The following ZNF804B variants were observed in gnomAD, a reference collection of about 807,000 sequenced individuals.
ZNF804B encodes zinc finger protein 804B.
Under a neutral mutation model 101.4 loss-of-function variants are expected in ZNF804B, and 80 were observed. The observed-to-expected ratio is 0.79, with a 90% CI of 0.66 to 0.95. The LOEUF is 0.95. Among genes scored for constraint, ZNF804B ranks in the 40% least tolerant of loss-of-function variants. The probability of loss-of-function intolerance (pLI) is 0.00; values close to 1 mark genes in which losing one functional copy is unlikely to be tolerated. For synonymous variants in ZNF804B, 622 were observed against 558.8 expected (o/e 1.11, Z -1.59); for missense variants, 1,673 against 1,561.9 (o/e 1.07, Z -1.20).
At chr7:89,301,069 G>C (rs1002415011) in intron 2 of ZNF804B, among the ~76,000 whole-genome samples, 1 of 140,382 alleles carries the variant, frequency 7.1e-6, no homozygotes, top group Non-Finnish European at 1.5e-5. Context: ...TTTATGTAGA[G>C]AATTTCAGAG....
In ZNF804B at chr7:89,212,778, G is replaced by A. The variant is rs139901471; in HGVS notation, c.109-5377G>A. Among the ~76,000 whole-genome samples, 49 of 152,048 alleles carry A rather than the reference G, an allele frequency of 3.2e-4. No individual in the cohort carries two copies. In the East Asian group the frequency reaches 8.9e-3, roughly 28 times the overall value. On this transcript the variant is annotated intron_variant, in intron 1 of 3. Transcript: ENST00000333190. Reference sequence around the variant, plus strand: ...ATAGGTGTAAATTTATCTAGAAAAGGGTAGGTAACTTTTCAAACCTTCTCC... The same window carrying A: ...ATAGGTGTAAATTTATCTAGAAAAGAGTAGGTAACTTTTCAAACCTTCTCC...
chr7:89,271,112 G>T (rs1422638810), intron 2 of ZNF804B, among the ~76,000 whole-genome samples: 1 of 152,168 alleles, frequency 6.6e-6, no homozygotes, highest in African/African-American at 2.4e-5. Flanking sequence ...TGTTGAACAG[G>T]TGTGGTGAGA....
intron 2 of ZNF804B, among the ~76,000 whole-genome samples, chr7:89,260,347 CT>C (rs35480671): frequency 1.0e-4 from 15 of 149,372 alleles, no homozygotes; most frequent in East Asian, 2.0e-4. Flanking sequence ...CTTTGTGGCA[CT>C]TTTTTTTTTG....
chr7:89,274,634 C>G (rs1232768823), intron 2 of ZNF804B, among the ~76,000 whole-genome samples: 2 of 151,702 alleles, frequency 1.3e-5, no homozygotes, highest in African/African-American at 4.9e-5. Context: ...GTTCCCCAAA[C>G]TCCCAACACC....
At chr7:88,905,968 C>T (rs1168390339) in intron 1 of ZNF804B, among the ~76,000 whole-genome samples, 1 of 128,394 alleles carries the variant, frequency 7.8e-6, no homozygotes, top group Non-Finnish European at 1.6e-5. Flanking sequence ...CAGTATTGGT[C>T]TATTCAGGGT....
chr7:89,314,165 T>C (rs1311419000), intron 2 of ZNF804B, among the ~76,000 whole-genome samples: 3 of 152,202 alleles, frequency 2.0e-5, no homozygotes, highest in Non-Finnish European at 4.4e-5. Flanking sequence ...TTTATAATTT[T>C]ACTCTAAAGT....
At chr7:89,087,691 G>A (rs1789827033) in intron 1 of ZNF804B, among the ~76,000 whole-genome samples, 1 of 151,846 alleles carries the variant, frequency 6.6e-6, no homozygotes, top group Non-Finnish European at 1.5e-5. Flanking sequence ...AGAAGACATT[G>A]ACTCTCAAGT....
chr7:89,100,974 A>C (rs1326342973), intron 1 of ZNF804B, among the ~76,000 whole-genome samples: 1 of 152,058 alleles, frequency 6.6e-6, no homozygotes, highest in Non-Finnish European at 1.5e-5. Context: ...GTATATATTT[A>C]ACCTCTGTTC....
chr7:89,165,435 CA>C (rs1791127871), intron 1 of ZNF804B, among the ~76,000 whole-genome samples: 1 of 151,838 alleles, frequency 6.6e-6, no homozygotes, highest in Non-Finnish European at 1.5e-5. Context: ...AAAAGAAAAA[CA>C]TAAGAAAATT....
intron 2 of ZNF804B, among the ~76,000 whole-genome samples, chr7:89,285,849 A>G (rs1790188874): frequency 6.6e-6 from 1 of 152,210 alleles, no homozygotes. Flanking sequence ...TTGTTTTACA[A>G]GAAAACCTGG....
chr7:89,120,551 A>G (rs901837495), intron 1 of ZNF804B, among the ~76,000 whole-genome samples: 1 of 146,114 alleles, frequency 6.8e-6, no homozygotes, highest in Non-Finnish European at 1.5e-5. Flanking sequence ...CCAGCTCCTC[A>G]GGAGGCTGAG....
intron 2 of ZNF804B, among the ~76,000 whole-genome samples, chr7:89,227,316 G>A (rs1160153253): frequency 6.6e-6 from 1 of 152,120 alleles, no homozygotes; most frequent in Non-Finnish European, 1.5e-5. Flanking sequence ...ATGCCATCTT[G>A]TATCCTAATT....
At chr7:89,220,017 G>GCA (rs1212100012) in intron 2 of ZNF804B, among the ~76,000 whole-genome samples, 8 of 124,780 alleles carry the variant, frequency 6.4e-5, no homozygotes, top group Admixed American at 1.7e-4. Context: ...ATATATGTGT[G>GCA]TATACATATA....
chr7:89,078,171 A>G (rs1032267414), intron 1 of ZNF804B, among the ~76,000 whole-genome samples: 7 of 152,120 alleles, frequency 4.6e-5, no homozygotes, highest in Non-Finnish European at 8.8e-5. Flanking sequence ...ATTTACCATT[A>G]TTAAGGTGAA....
At chr7:88,855,748 T>G (rs1791545854) in intron 1 of ZNF804B, among the ~76,000 whole-genome samples, 1 of 152,342 alleles carries the variant, frequency 6.6e-6, no homozygotes, top group African/African-American at 2.4e-5. Context: ...GTCTAACATT[T>G]AAGTCTTTAA....
chr7:88,807,014 A>T (rs1790702229), intron 1 of ZNF804B, among the ~76,000 whole-genome samples: 1 of 152,200 alleles, frequency 6.6e-6, no homozygotes, highest in South Asian at 2.1e-4. Context: ...CCTAGTGTAT[A>T]TCTTCTCTGC....
At chr7:88,857,371 C>G (rs1431907011) in intron 1 of ZNF804B, among the ~76,000 whole-genome samples, 2 of 151,864 alleles carry the variant, frequency 1.3e-5, no homozygotes, top group Non-Finnish European at 1.5e-5. Flanking sequence ...ACTAGGAAGA[C>G]TAATAAAGAA....
intron 2 of ZNF804B, among the ~76,000 whole-genome samples, chr7:89,256,068 A>G (rs7784529): frequency 0.016 from 2,400 of 152,270 alleles, 73 homozygotes; most frequent in African/African-American, 0.055. Flanking sequence ...GATGATTTTA[A>G]TGATAAGAAA....
Position 89,078,108 on chromosome 7 carries a change from C to T in ZNF804B, c.109-140047C>T, listed in dbSNP as rs558061504. On this transcript the variant is annotated intron_variant, in intron 1 of 3. Coordinates refer to ENST00000333190, the MANE Select transcript of ZNF804B (RefSeq NM_181646.5). ...TTTATCAATTAACGTTAAATGTTTACGAACTTAGTAATGGGATAGTGAGCT... is the reference window on the plus strand; with the variant it reads ...TTTATCAATTAACGTTAAATGTTTATGAACTTAGTAATGGGATAGTGAGCT... Among the ~76,000 whole-genome samples the T allele has an allele frequency of 3.9e-5, 6 of 152,144 alleles. No homozygotes were observed. In the South Asian group the frequency reaches 6.2e-4, roughly 16 times the overall value.
Sources: allele counts gnomAD v4.1 joint callset (sites outside exome capture counted in the v4.1 genomes callset), GRCh38; gene constraint gnomAD v4.1.1; transcripts MANE v1.5; gene names NCBI Gene and HGNC (gene_info 2026-07-23, HGNC 2026-07-21).